Variants in GALNT2 observed in about 807,000 individuals in gnomAD.
GALNT2 encodes the protein polypeptide N-acetylgalactosaminyltransferase 2.
Under a neutral mutation model 81.4 loss-of-function variants are expected in GALNT2, and 31 were observed. The ratio of observed to expected loss-of-function variants is 0.38; its 90% CI spans 0.29 to 0.51. The LOEUF is 0.51. GALNT2 is among the 20% of genes least tolerant of loss of function. The pLI is 0.87. For synonymous variants in GALNT2, 303 were observed against 287.4 expected (o/e 1.05, Z -0.55); for missense variants, 629 against 765.7 (o/e 0.82, Z 2.11).
At chr1:230,185,281 T>C (rs1210796802) in intron 2 of GALNT2, among the ~76,000 whole-genome samples, 1 of 110,326 alleles carries the variant, frequency 9.1e-6, no homozygotes. Context: ...TGCGTGTGTG[T>C]GTGTGTGTGT....
At chr1:230,227,884 GC>G (rs951551242) in intron 3 of GALNT2, among the ~76,000 whole-genome samples, 4 of 152,252 alleles carry the variant, frequency 2.6e-5, no homozygotes, top group South Asian at 2.1e-4. Flanking sequence ...CATAATCACT[GC>G]CATCTTAAGA....
chr1:230,240,017 T>A (rs1665150916), intron 6 of GALNT2, among the ~76,000 whole-genome samples: 1 of 152,230 alleles, frequency 6.6e-6, no homozygotes, highest in Non-Finnish European at 1.5e-5. Flanking sequence ...AACCCCACAA[T>A]ACACTGTTAC....
chr1:230,146,213 T>C (rs1661910499), intron 1 of GALNT2, among the ~76,000 whole-genome samples: 1 of 152,214 alleles, frequency 6.6e-6, no homozygotes, highest in Non-Finnish European at 1.5e-5. Context: ...TGTAGTTATT[T>C]TTCCCCTCCC....
chr1:230,113,778 C>T (rs1660767596), intron 1 of GALNT2, among the ~76,000 whole-genome samples: 1 of 152,112 alleles, frequency 6.6e-6, no homozygotes, highest in African/African-American at 2.4e-5. Flanking sequence ...TAAAAGAGGT[C>T]ATGATCTCTG....
chr1:230,164,172 A>C (rs1318469442), intron 1 of GALNT2, among the ~76,000 whole-genome samples: 1 of 152,158 alleles, frequency 6.6e-6, no homozygotes, highest in East Asian at 1.9e-4. Flanking sequence ...ATCCCTGGTA[A>C]ATGCCAGTTC....
chr1:230,185,442 C>T (rs752133050), intron 2 of GALNT2, among the ~76,000 whole-genome samples: 1 of 152,056 alleles, frequency 6.6e-6, no homozygotes, highest in Non-Finnish European at 1.5e-5. Context: ...GGAGGGGAAG[C>T]TTGCTATAGT....
At chr1:230,260,574 C>A (rs764076107) in intron 11 of GALNT2, among the ~76,000 whole-genome samples, 19 of 152,184 alleles carry the variant, frequency 1.2e-4, no homozygotes, top group Admixed American at 4.6e-4. Context: ...GGAATCAAAT[C>A]CTTTCATGTC....
intron 6 of GALNT2, among the ~76,000 whole-genome samples, chr1:230,237,842 TAAA>T (rs773679796): frequency 7.1e-6 from 1 of 140,062 alleles, no homozygotes; most frequent in African/African-American, 2.6e-5. Context: ...GCACAGGCTT[TAAA>T]AAAAAAAAAA....
upstream of GALNT2, chr1:230,057,876 A>T (rs558234184): frequency 1.1e-5 from 4 of 352,868 alleles, no homozygotes; most frequent in South Asian, 8.3e-5. Context: ...CACAGGCAGG[A>T]GGGGTAGGAA....
At chr1:230,214,555 A>T (rs1192090920) in intron 3 of GALNT2, among the ~76,000 whole-genome samples, 1 of 151,946 alleles carries the variant, frequency 6.6e-6, no homozygotes, top group Non-Finnish European at 1.5e-5. Flanking sequence ...GTTCTTTTTG[A>T]AGACATTTGA....
intron 1 of GALNT2, among the ~76,000 whole-genome samples, chr1:230,158,044 T>A (rs1239255241): frequency 3.3e-5 from 5 of 152,168 alleles, no homozygotes; most frequent in African/African-American, 1.2e-4. Flanking sequence ...GATCTTGTTG[T>A]ATGTGGAGAA....
At chr1:230,147,954 C>T (rs1661973778) in intron 1 of GALNT2, among the ~76,000 whole-genome samples, 1 of 152,210 alleles carries the variant, frequency 6.6e-6, no homozygotes, top group Non-Finnish European at 1.5e-5. Flanking sequence ...AGGGCAAACG[C>T]TCTGTCCCCA....
At chr1:230,082,822 C>T (rs1444275695) in intron 1 of GALNT2, among the ~76,000 whole-genome samples, 1 of 152,094 alleles carries the variant, frequency 6.6e-6, no homozygotes, top group Non-Finnish European at 1.5e-5. Context: ...GATGATAGAG[C>T]AGGATAAGGA....
intron 11 of GALNT2, among the ~76,000 whole-genome samples, chr1:230,256,738 G>A (rs1665727719): frequency 6.6e-6 from 1 of 152,210 alleles, no homozygotes; most frequent in African/African-American, 2.4e-5. Context: ...GCTAAAGATA[G>A]AACAGCGTAC....
At chr1:230,080,180 G>A (rs1659684397) in intron 1 of GALNT2, among the ~76,000 whole-genome samples, 1 of 152,144 alleles carries the variant, frequency 6.6e-6, no homozygotes, top group African/African-American at 2.4e-5. Context: ...TATTTTTGGT[G>A]ATCTAATTTT....
At chr1:230,147,599 G>A (rs1015173754) in intron 1 of GALNT2, among the ~76,000 whole-genome samples, 2 of 152,172 alleles carry the variant, frequency 1.3e-5, no homozygotes, top group African/African-American at 4.8e-5. Flanking sequence ...ATAATCTCAG[G>A]CCAGGGCCAC....
Position 230,059,647 on chromosome 1 carries a change from C to T in GALNT2, n.89+1569C>T, listed in dbSNP as rs892929832. 2.6e-5 allele frequency among the ~76,000 whole-genome samples: 4 copies of T among 152,330 alleles called. No homozygotes were observed. The East Asian group carries it at 7.7e-4, about 29-fold the overall frequency. On this transcript the variant is annotated intron_variant and non_coding_transcript_variant, in intron 1 of 6. Transcript: ENST00000494106. ...TTATCTAATCAGCAGAATGAAACTT[C>T]AGGGTCACCATATTGCATGTAAAAC...
intron 1 of GALNT2, among the ~76,000 whole-genome samples, chr1:230,156,229 G>GAA (rs1261097380): frequency 1.8e-4 from 25 of 141,426 alleles, no homozygotes; most frequent in African/African-American, 5.9e-4. Context: ...GAGAGAGAGA[G>GAA]AGAAAGAGAG....
intron 1 of GALNT2, among the ~76,000 whole-genome samples, chr1:230,127,979 C>G (rs929759726): frequency 2.0e-5 from 3 of 150,382 alleles, no homozygotes; most frequent in African/African-American, 7.4e-5. Context: ...CAGCGGCCCC[C>G]AAGGGCTGTG....
Sources: gnomAD v4.1 joint callset for allele counts (sites outside exome capture counted in the v4.1 genomes callset) on GRCh38, gnomAD v4.1.1 for gene constraint, MANE v1.5 for transcripts, NCBI Gene and HGNC (gene_info 2026-07-23, HGNC 2026-07-21) for gene names.